The following NACC2 variants were observed in gnomAD, a reference collection of about 807,000 sequenced individuals.
NACC2 encodes NACC family member 2.
In NACC2, 8 loss-of-function variants were observed where a neutral mutation model predicts 25.1. That is an observed-to-expected ratio of 0.32 (90% CI 0.19 to 0.57). NACC2 has a LOEUF of 0.57. Among genes scored for constraint, NACC2 ranks in the 20% least tolerant of loss-of-function variants. The pLI is 0.89. For synonymous variants in NACC2, 435 were observed against 294.7 expected (o/e 1.48, Z -4.88); for missense variants, 644 against 650.2 (o/e 0.99, Z 0.10).
intron 3 of NACC2, among the ~76,000 whole-genome samples, chr9:136,015,072 C>T (rs1311231741): frequency 2.0e-5 from 3 of 152,160 alleles, no homozygotes; most frequent in Non-Finnish European, 2.9e-5. Flanking sequence ...TCCTGCCCCA[C>T]CACTCCCACA....
At position 136,050,062 on chromosome 9, in the gene NACC2, C is replaced by T. The variant is rs1564231038; in HGVS notation, c.460G>A (p.Ala154Thr). 4.1e-6 allele frequency: 3 copies of T among 728,914 alleles called. No homozygotes were observed. Among genetic ancestry groups the T allele is most frequent in the South Asian group, 2.9e-5 (2 of 68,850 alleles). The allele number at this position is 728,914 out of a possible 1,614,324, so 45.2% of individuals were successfully genotyped here. A position where few individuals can be genotyped will look rare whatever the true frequency, so the allele number is the denominator to read the frequency against. ...SPCNQLQPAA[A>T]AAAPYVVSPS... Reference sequence around the variant, plus strand: ...GACACGACGTAGGGGGCCGCGGCGGCGGCGGCCGGCTGCAGCTGGTTGCAG... The same window carrying T: ...GACACGACGTAGGGGGCCGCGGCGGTGGCGGCCGGCTGCAGCTGGTTGCAG... Residue 154 changes from alanine to threonine, a missense_variant, in exon 2 of 6, where the codon GCC (alanine) becomes ACC (threonine). By Grantham distance (58) the Ala-to-Thr change is moderately conservative. Transcript: ENST00000277554.
At chr9:136,038,951 T>C (rs923704331) in intron 2 of NACC2, among the ~76,000 whole-genome samples, 6 of 152,036 alleles carry the variant, frequency 3.9e-5, no homozygotes, top group African/African-American at 1.4e-4. Context: ...AATGAACAAA[T>C]AGCAAGATGG....
At chr9:136,083,284 T>C (rs7034427) in intron 1 of NACC2, among the ~76,000 whole-genome samples, 31,794 of 152,116 alleles carry the variant, frequency 0.21, 3,887 homozygotes, top group East Asian at 0.42. Context: ...CACCCCAACC[T>C]GAGCCTAGGC....
intron 2 of NACC2, among the ~76,000 whole-genome samples, chr9:136,016,776 G>A (rs542598345): frequency 3.9e-5 from 6 of 152,304 alleles, no homozygotes; most frequent in Admixed American, 2.0e-4. Context: ...CCTGCTTGCC[G>A]GGCAGGAGTG....
intron 1 of NACC2, among the ~76,000 whole-genome samples, chr9:136,093,862 C>T (rs1377539773): frequency 4.6e-5 from 7 of 152,170 alleles, no homozygotes; most frequent in Non-Finnish European, 1.0e-4. Flanking sequence ...TAACTCTAGG[C>T]GCCCCTGCTG....
Position 136,038,262 on chromosome 9 carries a change from G to A in NACC2, c.886+11374C>T, listed in dbSNP as rs1435579861. Among the ~76,000 whole-genome samples the A allele has an allele frequency of 1.3e-5, 2 of 152,184 alleles. 1 individual carries two copies. Among genetic ancestry groups the A allele is most frequent in the South Asian group, 4.1e-4 (2 of 4,832 alleles). On this transcript the variant is annotated intron_variant, in intron 2 of 5. Coordinates refer to ENST00000277554, the MANE Select transcript of NACC2 (RefSeq NM_144653.5). ...TATTTTTTTAAACACCAGGCTGGGC[G>A]TGGTGGCTCATGCCTATAATCCCAG...
At chr9:136,031,276 A>G (rs1375772256) in intron 2 of NACC2, among the ~76,000 whole-genome samples, 1 of 152,212 alleles carries the variant, frequency 6.6e-6, no homozygotes, top group Admixed American at 6.5e-5. Context: ...AAGAGATGAG[A>G]ACGTCGGTAT....
intron 2 of NACC2, among the ~76,000 whole-genome samples, chr9:136,027,425 G>A (rs555655611): frequency 2.6e-5 from 4 of 152,210 alleles, no homozygotes; most frequent in African/African-American, 7.2e-5. Context: ...TATCAGCACC[G>A]TTTATGCTAT....
In NACC2 at chr9:136,050,287, G is replaced by C. The variant is rs1840801373; in HGVS notation, c.235C>G (p.Gln79Glu). The change falls in exon 2 of 6, where the codon CAG becomes GAG. Residue 79 changes from glutamine (Q) to glutamate (E), a missense_variant. By Grantham distance (29) the Gln-to-Glu change is conservative. Coordinates refer to ENST00000277554, the MANE Select transcript of NACC2 (RefSeq NM_144653.5). ...LPGSVPPACF[Q>E]QILSFCYTGR... Reference sequence around the variant, plus strand: ...GTGTAGCAGAAGGACAGGATCTGCTGGAAGCAGGCGGGCGGCACGGAGCCG... The same window carrying C: ...GTGTAGCAGAAGGACAGGATCTGCTCGAAGCAGGCGGGCGGCACGGAGCCG... The C allele has an allele frequency of 2.6e-6, 2 of 755,982 alleles. No individual in the cohort carries two copies. The highest frequency in any genetic ancestry group is 1.4e-5 in the South Asian group (1 of 71,878). 46.8% of individuals were successfully genotyped at this position (755,982 alleles called of 1,614,324 possible).
intron 2 of NACC2, among the ~76,000 whole-genome samples, chr9:136,025,254 G>A (rs1034492248): frequency 2.0e-5 from 3 of 152,146 alleles, no homozygotes; most frequent in Non-Finnish European, 4.4e-5. Context: ...TCCCCTCACT[G>A]CAGACCTTCA....
chr9:136,059,505 G>T (rs943817662), intron 1 of NACC2, among the ~76,000 whole-genome samples: 1 of 152,226 alleles, frequency 6.6e-6, no homozygotes, highest in African/African-American at 2.4e-5. Context: ...CACCCGGGCC[G>T]CCTCCTTGGG....
intron 1 of NACC2, among the ~76,000 whole-genome samples, chr9:136,076,318 G>T (rs764915657): frequency 6.6e-6 from 1 of 152,120 alleles, no homozygotes; most frequent in Admixed American, 6.5e-5. Flanking sequence ...TAAACACCCA[G>T]TTCCTCAAAT....
At position 136,013,078 on chromosome 9, in the gene NACC2, G is replaced by T. The variant is rs1840136995; in HGVS notation, c.1255+121C>A. 1.3e-6 allele frequency: 1 copy of T among 748,190 alleles called. No homozygotes were observed. Among genetic ancestry groups the T allele is most frequent in the Admixed American group, 2.7e-5 (1 of 36,988 alleles). The allele number at this position is 748,190 out of a possible 1,614,324, so 46.3% of individuals were successfully genotyped here. A position where few individuals can be genotyped will look rare whatever the true frequency, so the allele number is the denominator to read the frequency against. ...CTTCCCCTCAATCAGACCATGCTCG[G>T]CCCCCAGGGACGGAAGCTGCAGGTG... On this transcript the variant is annotated intron_variant, in intron 5 of 5. Transcript: ENST00000277554. The surrounding 1 kb of genome is among the most constrained non-coding windows in gnomAD (Gnocchi z 6.6).
chr9:136,040,446 T>C (rs1183424470), intron 2 of NACC2, among the ~76,000 whole-genome samples: 2 of 151,940 alleles, frequency 1.3e-5, no homozygotes, highest in African/African-American at 4.8e-5. Context: ...TAAAATAAAA[T>C]AGGAGAACGG....
chr9:136,066,282 AAAT>A (rs1841080394), intron 1 of NACC2, among the ~76,000 whole-genome samples: 1 of 152,226 alleles, frequency 6.6e-6, no homozygotes, highest in Non-Finnish European at 1.5e-5. Context: ...TAGAATGTAT[AAAT>A]AATTCTGACA....
At chr9:136,090,259 G>T (rs1305723643) in intron 1 of NACC2, among the ~76,000 whole-genome samples, 3 of 152,222 alleles carry the variant, frequency 2.0e-5, no homozygotes, top group African/African-American at 7.2e-5. Context: ...TGCCTCAGGG[G>T]TCCCTGGGAG....
At chr9:136,040,817 CGG>C (rs1480804591) in intron 2 of NACC2, among the ~76,000 whole-genome samples, 39 of 152,138 alleles carry the variant, frequency 2.6e-4, no homozygotes, top group Admixed American at 1.4e-3. Flanking sequence ...AAAAATTAGC[CGG>C]GTGTGGTGGT....
At chr9:136,062,855 C>T (rs900632620) in intron 1 of NACC2, among the ~76,000 whole-genome samples, 6 of 152,218 alleles carry the variant, frequency 3.9e-5, no homozygotes, top group Non-Finnish European at 5.9e-5. Context: ...AGGCCGAGGC[C>T]GCAGTGTGCC....
chr9:136,021,400 G>A (rs1840291418), intron 2 of NACC2, among the ~76,000 whole-genome samples: 1 of 152,154 alleles, frequency 6.6e-6, no homozygotes, highest in Non-Finnish European at 1.5e-5. Flanking sequence ...CAGCTGGGAC[G>A]TCCTGACGAC....
Sources: allele counts gnomAD v4.1 joint callset (sites outside exome capture counted in the v4.1 genomes callset), GRCh38; gene constraint gnomAD v4.1.1; non-coding constraint Gnocchi (gnomAD v3.1); transcripts MANE v1.5; gene names NCBI Gene and HGNC (gene_info 2026-07-23, HGNC 2026-07-21).